The following NRG2 variants were observed in gnomAD, a reference collection of about 807,000 sequenced individuals.
The protein encoded by NRG2 is pro-neuregulin-2, membrane-bound isoform.
In NRG2, 27 loss-of-function variants were observed where a neutral mutation model predicts 73.9. That is an observed-to-expected ratio of 0.37 (90% confidence interval 0.27 to 0.50). The LOEUF is 0.50. Ranked by LOEUF, NRG2 falls within the 20% of genes least tolerant of loss-of-function variation. The pLI, the probability that NRG2 is intolerant of heterozygous loss-of-function variation, is 0.96. For synonymous variants in NRG2, 532 were observed against 541.0 expected (o/e 0.98, Z 0.23); for missense variants, 1,126 against 1,210.1 (o/e 0.93, Z 1.03).
Position 139,887,258 on chromosome 5 carries a change from G to T in NRG2, c.872+82C>A. 2 of 1,513,324 alleles carry T rather than the reference G, an allele frequency of 1.3e-6. No individual in the cohort carries two copies. Among genetic ancestry groups the T allele is most frequent in the Non-Finnish European group, 1.8e-6 (2 of 1,102,582 alleles). 93.7% of individuals were successfully genotyped at this position (1,513,324 alleles called of 1,614,324 possible). A position where few individuals can be genotyped will look rare whatever the true frequency, so the allele number is the denominator to read the frequency against. Reference sequence around the variant, plus strand: ...GGGTGAGTCTGGGGGCACAGCCCTGGCCTCTGCCCAGTTCAGGCCACTCCT... The same window carrying T: ...GGGTGAGTCTGGGGGCACAGCCCTGTCCTCTGCCCAGTTCAGGCCACTCCT... On this transcript the variant is annotated intron_variant, in intron 2 of 9. Coordinates refer to ENST00000361474, the MANE Select transcript of NRG2 (RefSeq NM_004883.3). This position sits in a 1 kb window ranked among gnomAD's most constrained non-coding sequence, Gnocchi z 4.5.
chr5:139,882,875 G>A lies in NRG2; in HGVS notation c.873-1901C>T, dbSNP rs561832709. On this transcript the variant is annotated intron_variant, in intron 2 of 9. Transcript: ENST00000361474. ...GTGAGACCTGGAGAAGGCAGGCACA[G>A]GTCTCTAGGAGTGCCCCTTCCTTCT... is the stretch of plus-strand genomic sequence containing the variant. Among the ~76,000 whole-genome samples the A allele has an allele frequency of 9.2e-5, 14 of 152,266 alleles. No homozygotes were observed. In the South Asian group the frequency reaches 2.5e-3, roughly 27 times the overall value.
Position 139,851,645 on chromosome 5 carries a change from G to T in NRG2, c.1731C>A (p.His577Gln). The T allele has an allele frequency of 6.2e-7, 1 of 1,614,124 alleles. No homozygotes were observed. The highest frequency in any genetic ancestry group is 8.5e-7 in the Non-Finnish European group (1 of 1,180,044). ...AGTCGCGAAGGGAGTCCACGGAATC[G>T]TGATAGGGTGGCGCGGTGGCCCTGC... ...ERRRATAPPY[H>Q]DSVDSLRDSP... The change falls in exon 9 of 10, where the codon CAC (histidine) becomes CAA (glutamine). Residue 577 changes from histidine (H) to glutamine (Q), a missense_variant. Physicochemically the swap from His to Gln is conservative, Grantham distance 24. Coordinates refer to ENST00000361474, the MANE Select transcript of NRG2 (RefSeq NM_004883.3). This position sits in a 1 kb window ranked among gnomAD's most constrained non-coding sequence, Gnocchi z 4.2.
Position 139,887,506 on chromosome 5 carries a change from G to A in NRG2, c.706C>T (p.Arg236Trp), listed in dbSNP as rs749927371. Residue 236 changes from arginine (R) to tryptophan (W), a missense_variant, in exon 2 of 10, where the codon CGG becomes TGG. This residue lies in a region of NRG2 where 539 missense variants were observed against 703.2 expected (regional missense o/e 0.77). Transcript: ENST00000361474. This position sits in a 1 kb window ranked among gnomAD's most constrained non-coding sequence, Gnocchi z 4.5. Reference protein sequence around the residue: ...GKILCTDCATRPKLKKMKSQT... With the variant: ...GKILCTDCATWPKLKKMKSQT... ...CTCTTCATCTTCTTCAACTTGGGCC[G>A]GGTGGCTGTGGGTTACAAGGCAGGT... is the stretch of plus-strand genomic sequence containing the variant. The A allele has an allele frequency of 1.2e-5, 19 of 1,613,798 alleles. No homozygotes were observed. The highest frequency in any genetic ancestry group is 1.6e-4 in the Middle Eastern group (1 of 6,084).
At chr5:139,999,124 T>A (rs1758245190) in intron 1 of NRG2, among the ~76,000 whole-genome samples, 1 of 152,188 alleles carries the variant, frequency 6.6e-6, no homozygotes, top group African/African-American at 2.4e-5. Context: ...GACAACTCCA[T>A]GAGGCATTCT....
chr5:139,935,217 A>C (rs1330972524), intron 1 of NRG2, among the ~76,000 whole-genome samples: 1 of 152,168 alleles, frequency 6.6e-6, no homozygotes, highest in African/African-American at 2.4e-5. Context: ...GCACCTGATG[A>C]TACAGCTTTA....
Position 139,848,704 on chromosome 5 carries a change from G to T in NRG2, c.1773-7C>A. The T allele has an allele frequency of 6.6e-7, 1 of 1,509,072 alleles. No individual in the cohort carries two copies. Among genetic ancestry groups the T allele is most frequent in the East Asian group, 2.8e-5 (1 of 35,508 alleles). The allele number at this position is 1,509,072 out of a possible 1,614,324, so 93.5% of individuals were successfully genotyped here. A position where few individuals can be genotyped will look rare whatever the true frequency, so the allele number is the denominator to read the frequency against. ...GGTCAGGGCCGACACGTACCTGCGG[G>T]GAGAGGCAGAGGCATGGGCCAGGGC... On this transcript the variant is annotated splice_region_variant and splice_polypyrimidine_tract_variant and intron_variant, in intron 9 of 9. Coordinates refer to ENST00000361474, the MANE Select transcript of NRG2 (RefSeq NM_004883.3).
intron 1 of NRG2, among the ~76,000 whole-genome samples, chr5:139,947,891 C>G (rs1047121573): frequency 3.9e-5 from 6 of 152,146 alleles, no homozygotes; most frequent in African/African-American, 1.4e-4. Context: ...CAGTTCTTTC[C>G]AATTCTTTTT....
chr5:139,976,180 C>T (rs922187394), intron 1 of NRG2, among the ~76,000 whole-genome samples: 2 of 152,158 alleles, frequency 1.3e-5, no homozygotes, highest in Non-Finnish European at 1.5e-5. Context: ...GGGACACTCT[C>T]GACAATCCTG....
Position 139,856,139 on chromosome 5 carries a change from C to T in NRG2, c.1190-361G>A, listed in dbSNP as rs527926018. The T allele has an allele frequency of 3.7e-5, 10 of 273,512 alleles. No individual in the cohort carries two copies. The highest frequency in any genetic ancestry group is 4.3e-5 in the Non-Finnish European group (6 of 138,684). 16.9% of individuals were successfully genotyped at this position (273,512 alleles called of 1,614,324 possible). ...GCAGGGGAGGACAGCTCAGTCTGGC[C>T]GGTGACCCTGCCCTGCTCCACAGTG... On this transcript the variant is annotated intron_variant, in intron 5 of 9. Coordinates refer to ENST00000361474, the MANE Select transcript of NRG2 (RefSeq NM_004883.3). This position sits in a 1 kb window ranked among gnomAD's most constrained non-coding sequence, Gnocchi z 4.2.
At chr5:140,021,458 G>A (rs745517829) in intron 1 of NRG2, among the ~76,000 whole-genome samples, 2 of 152,332 alleles carry the variant, frequency 1.3e-5, no homozygotes, top group South Asian at 2.1e-4. Flanking sequence ...AAGGCCTAAG[G>A]TGGGTATGGA....
chr5:139,875,549 T>G (rs1335521732), intron 3 of NRG2, among the ~76,000 whole-genome samples: 2 of 152,206 alleles, frequency 1.3e-5, no homozygotes, highest in Non-Finnish European at 2.9e-5. Context: ...TGGCTGATAA[T>G]ATCATCTTTT....
chr5:139,952,684 C>T (rs1754305354), intron 1 of NRG2, among the ~76,000 whole-genome samples: 1 of 152,190 alleles, frequency 6.6e-6, no homozygotes, highest in Non-Finnish European at 1.5e-5. Flanking sequence ...TGCACTAAGG[C>T]CGAGCTCTCC....
intron 4 of NRG2, among the ~76,000 whole-genome samples, chr5:139,866,153 T>C (rs531078556): frequency 6.6e-6 from 1 of 152,190 alleles, no homozygotes; most frequent in Non-Finnish European, 1.5e-5. Context: ...CCAGACTGTG[T>C]ATGTCTTTGA....
chr5:140,029,603 G>C (rs184105630), intron 1 of NRG2, among the ~76,000 whole-genome samples: 1 of 150,620 alleles, frequency 6.6e-6, no homozygotes, highest in African/African-American at 2.4e-5. Context: ...CAGGAGAATT[G>C]CTTGAATCTG....
At chr5:139,989,476 C>T (rs1268152887) in intron 1 of NRG2, among the ~76,000 whole-genome samples, 1 of 152,008 alleles carries the variant, frequency 6.6e-6, no homozygotes, top group Non-Finnish European at 1.5e-5. Context: ...TGCCAGGCAG[C>T]CATCAACCTG....
chr5:139,982,440 C>T (rs963245457), intron 1 of NRG2, among the ~76,000 whole-genome samples: 3 of 152,166 alleles, frequency 2.0e-5, no homozygotes, highest in Admixed American at 1.3e-4. Context: ...ATCACTTCAG[C>T]CCACACCAAT....
At chr5:139,898,229 A>G (rs1561664770) in intron 1 of NRG2, among the ~76,000 whole-genome samples, 1 of 152,238 alleles carries the variant, frequency 6.6e-6, no homozygotes, top group Non-Finnish European at 1.5e-5. Flanking sequence ...GTGCCAGGCA[A>G]AGTGAACAGC....
At chr5:140,017,084 A>G (rs1759845655) in intron 1 of NRG2, among the ~76,000 whole-genome samples, 1 of 152,276 alleles carries the variant, frequency 6.6e-6, no homozygotes, top group Non-Finnish European at 1.5e-5. Context: ...AAGACCAGCT[A>G]TGAAGCAAAT....
intron 1 of NRG2, among the ~76,000 whole-genome samples, chr5:140,036,850 T>C (rs567250608): frequency 2.6e-5 from 4 of 152,350 alleles, no homozygotes; most frequent in African/African-American, 4.8e-5. Context: ...ACTTCAATGA[T>C]ACTGATATCA....
Sources: allele counts gnomAD v4.1 joint callset (sites outside exome capture counted in the v4.1 genomes callset), GRCh38; gene constraint gnomAD v4.1.1; regional missense constraint gnomAD v4.1.1; non-coding constraint Gnocchi (gnomAD v3.1); transcripts MANE v1.5; gene names NCBI Gene and HGNC (gene_info 2026-07-23, HGNC 2026-07-21).